Variants in H6PD observed in about 807,000 individuals in gnomAD.
H6PD encodes hexose-6-phosphate dehydrogenase/glucose 1-dehydrogenase, also known as GDH/6PGL endoplasmic bifunctional protein.
Under a neutral mutation model 61.2 loss-of-function variants are expected in H6PD, and 48 were observed. That is an observed-to-expected ratio of 0.78 (90% CI 0.62 to 1.00). The LOEUF is 1.00. Ranked by LOEUF, H6PD falls within the 50% of genes least tolerant of loss-of-function variation. The probability of loss-of-function intolerance (pLI) is 0.00; values close to 1 mark genes in which losing one functional copy is unlikely to be tolerated. For synonymous variants in H6PD, 480 were observed against 457.9 expected, an observed-to-expected ratio of 1.05 and a Z score of -0.62; for missense variants, 1,093 against 1,065.0, an observed-to-expected ratio of 1.03 and a Z score of -0.37.
intron 1 of H6PD, 47 bp downstream of exon 1, chr1:9,235,113 C>G (rs1202134337): frequency 6.7e-6 from 1 of 149,402 alleles, no homozygotes; most frequent in African/African-American, 2.4e-5. Flanking sequence ...CCCGGCGCCT[C>G]CAACCCGCGC....
chr1:9,262,163 A>G lies in H6PD; in HGVS notation c.850A>G (p.Ser284Gly), dbSNP rs749560091. 5.0e-6 allele frequency: 8 copies of G among 1,614,224 alleles called. No homozygotes were observed. In the South Asian group the frequency reaches 7.7e-5, roughly 16 times the overall value. Reference protein sequence around the residue: ...LVAMELPHNVSSAEAVLRHKL... With the variant: ...LVAMELPHNVGSAEAVLRHKL... ...GGCCATGGAGCTGCCCCACAATGTC[A>G]GCAGTGCGGAGGCTGTGCTGCGGCA... is the stretch of plus-strand genomic sequence containing the variant. Residue 284 changes from serine (S) to glycine (G), a missense_variant, in exon 4 of 5, where the codon AGC becomes GGC. Ser to Gly is a moderately conservative substitution (Grantham distance 56). Transcript: ENST00000377403.
rs919045361 is a variant in H6PD, at chr1:9,267,114, C to T, written c.*2245C>T. The T allele has an allele frequency of 6.6e-6, 1 of 152,560 alleles. No individual in the cohort carries two copies. The allele number at this position is 152,560 out of a possible 1,614,324, so 9.5% of individuals were successfully genotyped here. Reference sequence around the variant, plus strand: ...GGATTACAGGCGTGAGCCACCGCGCCCAGCCAGAACATCTGTTTTTACACC... The same window carrying T: ...GGATTACAGGCGTGAGCCACCGCGCTCAGCCAGAACATCTGTTTTTACACC... On this transcript the variant is annotated 3_prime_UTR_variant, in exon 5 of 5. Coordinates refer to ENST00000377403, the MANE Select transcript of H6PD (RefSeq NM_004285.4).
Position 9,245,085 on chromosome 1 carries a change from C to G in H6PD, c.151C>G (p.Leu51Val). 6.2e-7 allele frequency: 1 copy of G among 1,614,192 alleles called. No individual in the cohort carries two copies. Among genetic ancestry groups the G allele is most frequent in the Non-Finnish European group, 8.5e-7 (1 of 1,180,024 alleles). Residue 51 changes from leucine (L) to valine (V), a missense_variant, in exon 2 of 5, where the codon CTG becomes GTG. Leu to Val is a conservative substitution (Grantham distance 32). Coordinates refer to ENST00000377403, the MANE Select transcript of H6PD (RefSeq NM_004285.4). The surrounding 1 kb of genome is among the most constrained non-coding windows in gnomAD (Gnocchi z 4.8). ...YLWQGLFQLY[L>V]DEAGRGHSFS... ...ATGGCAGGGACTGTTCCAGCTGTAC[C>G]TGGATGAAGCGGGGAGGGGTCACAG...
Position 9,264,790 on chromosome 1 carries a change from A to G in H6PD, c.2297A>G (p.Lys766Arg), listed in dbSNP as rs1220339321. 6.2e-7 allele frequency: 1 copy of G among 1,612,996 alleles called. No individual in the cohort carries two copies. The highest frequency in any genetic ancestry group is 1.3e-5 in the African/African-American group (1 of 74,946). ...GTGAGCCGGGTGGGCCATGAGCCCA[A>G]GAAGTGGCCCATCTCGGGTGTCCTG... Reference protein sequence around the residue: ...TLVSRVGHEPKKWPISGVLPH... With the variant: ...TLVSRVGHEPRKWPISGVLPH... Residue 766 changes from lysine to arginine, a missense_variant, in exon 5 of 5, where the codon AAG becomes AGG. Coordinates refer to ENST00000377403, the MANE Select transcript of H6PD (RefSeq NM_004285.4).
At position 9,247,043 on chromosome 1, in the gene H6PD, G is replaced by A. The variant is rs1339389048; in HGVS notation, c.705G>A (p.Glu235=). ...GCCTCTGGAACCGGCACCATGTGGA[G>A]CGGGTGGAGATCATCATGAAAGAGA... ...LDGLWNRHHV[E]RVEIIMKETV... is the part of the protein sequence containing the mutation. The change falls in exon 3 of 5, where the codon GAG becomes GAA. Residue 235 remains glutamate (E), a synonymous_variant. Transcript: ENST00000377403. The A allele has an allele frequency of 1.2e-6, 2 of 1,613,864 alleles. No individual in the cohort carries two copies. The highest frequency in any genetic ancestry group is 1.7e-6 in the Non-Finnish European group (2 of 1,179,834).
rs180943997 is a variant in H6PD, at chr1:9,243,416, G to A, written c.-10-1509G>A. Among the ~76,000 whole-genome samples the A allele has an allele frequency of 3.8e-3, 582 of 152,250 alleles. 7 individuals carry two copies. Among genetic ancestry groups the A allele is most frequent in the Middle Eastern group, 3.4e-3 (1 of 294 alleles). On this transcript the variant is annotated intron_variant, in intron 1 of 4. Transcript: ENST00000377403. ...GGTAAATGCCTGACATATAATAGGC[G>A]CTAAATCAGCCATTCAGTTCCTTCG...
Position 9,264,352 on chromosome 1 carries a change from A to G in H6PD, c.1859A>G (p.Asp620Gly). ...GCCCACACGCACCTGTGGCTGGTTG[A>G]CGAGCGCTGCGTCCCACTCTCAGAC... is the stretch of plus-strand genomic sequence containing the variant. The part of the protein sequence containing the change: ...PWAHTHLWLV[D>G]ERCVPLSDPE... The change falls in exon 5 of 5, where the codon GAC (aspartate) becomes GGC (glycine). Residue 620 changes from aspartate (D) to glycine (G), a missense_variant. Transcript: ENST00000377403. 3 of 1,612,418 alleles carry G rather than the reference A, an allele frequency of 1.9e-6. No individual in the cohort carries two copies. The highest frequency in any genetic ancestry group is 2.5e-6 in the Non-Finnish European group (3 of 1,179,894).
At chr1:9,258,111 T>C (rs2100371509) in intron 3 of H6PD, among the ~76,000 whole-genome samples, 2 of 152,322 alleles carry the variant, frequency 1.3e-5, no homozygotes, top group Middle Eastern at 6.8e-3. Context: ...TTTGTGAGTA[T>C]GGGGAGGAGC....
chr1:9,235,950 T>C (rs2100298260), intron 1 of H6PD, among the ~76,000 whole-genome samples: 1 of 152,330 alleles, frequency 6.6e-6, no homozygotes, highest in African/African-American at 2.4e-5. Context: ...CTTTAATTTT[T>C]CATCATTATG....
rs1263340420 is a variant in H6PD at position 9,235,002 on chromosome 1, C to A, written c.-75C>A. The stretch of plus-strand genomic sequence containing the variant: ...GCGCAGGGGAGCCCTCGGGAGCGGG[C>A]CCGGCCCTCAGCGCCGCCCCGGCCG... On this transcript the variant is annotated 5_prime_UTR_variant, in exon 1 of 5. Coordinates refer to ENST00000377403, the MANE Select transcript of H6PD (RefSeq NM_004285.4). 2 of 148,018 alleles carry A rather than the reference C, an allele frequency of 1.4e-5. No homozygotes were observed. The highest frequency in any genetic ancestry group is 3.0e-5 in the Non-Finnish European group (2 of 66,216). 9.2% of individuals were successfully genotyped at this position (148,018 alleles called of 1,614,324 possible). A position where few individuals can be genotyped will look rare whatever the true frequency, so the allele number is the denominator to read the frequency against.
chr1:9,238,402 G>T (rs538380340), intron 1 of H6PD, among the ~76,000 whole-genome samples: 18 of 152,366 alleles, frequency 1.2e-4, no homozygotes, highest in Admixed American at 1.1e-3. Flanking sequence ...CTCAGCCATA[G>T]AGGGTCCAGG....
rs200035545 is a variant in H6PD, at chr1:9,263,810, C to T, written c.1317C>T (p.Phe439=). 28 of 1,613,944 alleles carry T rather than the reference C, an allele frequency of 1.7e-5. No individual in the cohort carries two copies. Among genetic ancestry groups the T allele is most frequent in the African/African-American group, 2.7e-5 (2 of 75,066 alleles). Residue 439 remains phenylalanine (F), a synonymous_variant, in exon 5 of 5, where the codon TTC becomes TTT. Transcript: ENST00000377403. Reference sequence around the variant, plus strand: ...AGGGACCACCTGGGCTCCGCCTTTTCGGCAGCCCTCTGTCCGATTACTACG... The same window carrying T: ...AGGGACCACCTGGGCTCCGCCTTTTTGGCAGCCCTCTGTCCGATTACTACG... ...EMEGPPGLRL[F]GSPLSDYYAY...
intron 1 of H6PD, among the ~76,000 whole-genome samples, chr1:9,241,470 C>A (rs1399703818): frequency 1.3e-5 from 2 of 152,184 alleles, no homozygotes; most frequent in East Asian, 3.8e-4. Flanking sequence ...GTGGTGCGAT[C>A]ATGGCTCACT....
chr1:9,248,351 C>A (rs1641252189), intron 3 of H6PD, among the ~76,000 whole-genome samples: 1 of 152,224 alleles, frequency 6.6e-6, no homozygotes. Context: ...CTCCCTTCCT[C>A]TCTGAATGTG....
In H6PD at chr1:9,265,310, TAGAC is replaced by T. The variant is rs1282155609; in HGVS notation, c.*445_*448del. The T allele has an allele frequency of 1.8e-5, 6 of 341,736 alleles. No homozygotes were observed. The East Asian group carries it at 2.3e-4, about 13-fold the overall frequency. The allele number at this position is 341,736 out of a possible 1,614,324, so 21.2% of individuals were successfully genotyped here. A position where few individuals can be genotyped will look rare whatever the true frequency, so the allele number is the denominator to read the frequency against. On this transcript the variant is annotated 3_prime_UTR_variant, in exon 5 of 5. Transcript: ENST00000377403. The stretch of plus-strand genomic sequence containing the variant: ...CGGGGAACATTCAGAGCATGATTGG[TAGAC>T]AGAAGGGTGCAGAGGCGCCCAGGGG...
intron 3 of H6PD, 146 bp from the exon 4 acceptor site, chr1:9,261,913 G>T: frequency 1.2e-6 from 1 of 804,520 alleles, no homozygotes; most frequent in Non-Finnish European, 2.1e-6. Context: ...GGTTGGCTTT[G>T]GTGTGCACCA....
At position 9,263,561 on chromosome 1, in the gene H6PD, G is replaced by C. The variant is rs748032955; in HGVS notation, c.1068G>C (p.Leu356=). 1 of 1,614,188 alleles carries C rather than the reference G, an allele frequency of 6.2e-7. No homozygotes were observed. Among genetic ancestry groups the C allele is most frequent in the Non-Finnish European group, 8.5e-7 (1 of 1,180,000 alleles). ...NLRWEGVPFI[L]MSGKALDERV... The stretch of plus-strand genomic sequence containing the variant: ...GCTGGGAGGGCGTGCCTTTCATCCT[G>C]ATGTCTGGCAAAGCCTTGGACGAGA... The change falls in exon 5 of 5, where the codon CTG becomes CTC. Residue 356 remains leucine, a synonymous_variant. Transcript: ENST00000377403.
At chr1:9,258,352 GTGTTA>G (rs1191712511) in intron 3 of H6PD, among the ~76,000 whole-genome samples, 1 of 152,300 alleles carries the variant, frequency 6.6e-6, no homozygotes, top group Admixed American at 6.5e-5. Context: ...TGTTACACCA[GTGTTA>G]TGTTGTTGTT....
chr1:9,262,828 T>G (rs1638370592), intron 4 of H6PD, among the ~76,000 whole-genome samples: 1 of 152,204 alleles, frequency 6.6e-6, no homozygotes, highest in African/African-American at 2.4e-5. Context: ...ACGCGCCGTA[T>G]GCCAGGTGCT....
Sources: gnomAD v4.1 joint callset for allele counts (sites outside exome capture counted in the v4.1 genomes callset) on GRCh38, gnomAD v4.1.1 for gene constraint, Gnocchi (gnomAD v3.1) non-coding constraint, MANE v1.5 for transcripts, NCBI Gene and HGNC (gene_info 2026-07-23, HGNC 2026-07-21) for gene names.